The following PDE4D variants were observed in gnomAD, a reference collection of about 807,000 sequenced individuals.
PDE4D encodes 3',5'-cyclic-AMP phosphodiesterase 4D.
A neutral mutation model predicts 87.4 loss-of-function variants in PDE4D; 24 were observed. The ratio of observed to expected loss-of-function variants is 0.27; its 90% CI spans 0.20 to 0.39. The LOEUF is 0.39. Among genes scored for constraint, PDE4D ranks in the 10% least tolerant of loss-of-function variants. The pLI is 1.00. For missense variants in PDE4D, 714 were observed against 1,041.0 expected, an observed-to-expected ratio of 0.69 and a Z score of 4.32; for synonymous variants, 384 against 383.2, an observed-to-expected ratio of 1.00 and a Z score of -0.02.
At chr5:59,176,998 C>T (rs2153476218) in intron 5 of PDE4D, among the ~76,000 whole-genome samples, 1 of 152,312 alleles carries the variant, frequency 6.6e-6, no homozygotes, top group East Asian at 1.9e-4. Context: ...GCTTGCCTTT[C>T]TCTCACTGTT....
At chr5:59,061,161 T>G (rs966576943) in intron 5 of PDE4D, among the ~76,000 whole-genome samples, 4 of 152,148 alleles carry the variant, frequency 2.6e-5, no homozygotes, top group African/African-American at 9.7e-5. Flanking sequence ...GGTCTTTTCA[T>G]AATTATTTCC....
In PDE4D at chr5:59,893,563, G is replaced by A; in HGVS notation, c.60C>T (p.Ser20=). 2 of 1,533,662 alleles carry A rather than the reference G, an allele frequency of 1.3e-6. No homozygotes were observed. The highest frequency in any genetic ancestry group is 5.1e-5 in the East Asian group (2 of 39,246). The change falls in exon 1 of 15, where the codon AGC becomes AGT. Residue 20 remains serine, a synonymous_variant. Coordinates refer to ENST00000340635, the MANE Select transcript of PDE4D (RefSeq NM_001104631.2). The stretch of plus-strand genomic sequence containing the variant: ...GGGCTTTGAGCGTGGCCCCGCCGGC[G>A]CTGTCGCTGCCCTCTCCGCTGCCCG... The part of the protein sequence containing the change: ...ARAGSGEGSD[S]AGGATLKAPK...
At chr5:59,195,698 A>T (rs1185012311) in intron 2 of PDE4D, among the ~76,000 whole-genome samples, 1 of 152,224 alleles carries the variant, frequency 6.6e-6, no homozygotes, top group Non-Finnish European at 1.5e-5. Flanking sequence ...AATGGAGATA[A>T]CAGCACATAC....
chr5:59,717,327 G>C (rs932855799), intron 1 of PDE4D, among the ~76,000 whole-genome samples: 6 of 152,138 alleles, frequency 3.9e-5, no homozygotes, highest in Admixed American at 3.3e-4. Context: ...TATTTCCCTT[G>C]CTGTGGGGAT....
At chr5:59,652,956 T>C (rs1430701947) in intron 1 of PDE4D, among the ~76,000 whole-genome samples, 1 of 152,142 alleles carries the variant, frequency 6.6e-6, no homozygotes, top group Non-Finnish European at 1.5e-5. Context: ...GCACATAAAC[T>C]GAACTTATCC....
At chr5:60,056,588 A>G (rs1416311778) in intron 2 of PDE4D, among the ~76,000 whole-genome samples, 1 of 152,016 alleles carries the variant, frequency 6.6e-6, no homozygotes, top group Non-Finnish European at 1.5e-5. Context: ...CTGTTCTATG[A>G]TTCCGTATAT....
chr5:59,963,826 C>T (rs2152812286), intron 3 of PDE4D, among the ~76,000 whole-genome samples: 1 of 152,198 alleles, frequency 6.6e-6, no homozygotes, highest in African/African-American at 2.4e-5. Context: ...GAGTTTTCAG[C>T]TCAAAAATGC....
intron 1 of PDE4D, among the ~76,000 whole-genome samples, chr5:59,713,020 G>A (rs1407996149): frequency 6.6e-6 from 1 of 152,096 alleles, no homozygotes; most frequent in Non-Finnish European, 1.5e-5. Flanking sequence ...ATCATTCTGA[G>A]GTTAGAACTT....
intron 5 of PDE4D, among the ~76,000 whole-genome samples, chr5:59,068,857 G>C (rs1764320679): frequency 6.6e-6 from 1 of 152,100 alleles, no homozygotes; most frequent in Non-Finnish European, 1.5e-5. Flanking sequence ...TCATCTAATG[G>C]TGTGAGAATT....
chr5:60,021,453 C>T lies in PDE4D; in HGVS notation c.43-32736G>A, dbSNP rs1766058966. 2.0e-5 allele frequency: 3 copies of T among 152,170 alleles called. No individual in the cohort carries two copies. In the South Asian group the frequency reaches 6.2e-4, roughly 32 times the overall value. 9.4% of individuals were successfully genotyped at this position (152,170 alleles called of 1,614,324 possible). On this transcript the variant is annotated intron_variant, in intron 2 of 16. Transcript: ENST00000502484. ...CACCTTGAGACGCAAGCTCAGGGCA[C>T]AAGCAGTGCTATAACGTGGCAAACA...
At chr5:59,652,462 C>T (rs1046524613) in intron 1 of PDE4D, among the ~76,000 whole-genome samples, 7 of 152,134 alleles carry the variant, frequency 4.6e-5, no homozygotes, top group African/African-American at 1.2e-4. Context: ...AATATGTTTG[C>T]GTTGTGTGCT....
At chr5:59,723,852 T>A (rs1442104047) in intron 1 of PDE4D, among the ~76,000 whole-genome samples, 1 of 152,192 alleles carries the variant, frequency 6.6e-6, no homozygotes, top group East Asian at 1.9e-4. Flanking sequence ...ACTTTTCTCC[T>A]TGTAGTTAAT....
intron 1 of PDE4D, among the ~76,000 whole-genome samples, chr5:60,358,476 G>T (rs1759802744): frequency 6.6e-6 from 1 of 152,088 alleles, no homozygotes; most frequent in Non-Finnish European, 1.5e-5. Flanking sequence ...ACATGTTATG[G>T]TATGGTATGT....
intron 1 of PDE4D, among the ~76,000 whole-genome samples, chr5:59,817,061 C>A (rs537201377): frequency 6.6e-6 from 1 of 152,338 alleles, no homozygotes; most frequent in South Asian, 2.1e-4. Flanking sequence ...CTGCTCTCCC[C>A]ACTCTGGGAA....
intron 1 of PDE4D, among the ~76,000 whole-genome samples, chr5:60,467,714 C>T (rs1034496905): frequency 1.3e-5 from 2 of 152,150 alleles, no homozygotes; most frequent in Non-Finnish European, 2.9e-5. Context: ...CTCCCAGCTC[C>T]CCAGGCTTAA....
chr5:59,164,405 C>T (rs1174926835), intron 5 of PDE4D, among the ~76,000 whole-genome samples: 1 of 152,152 alleles, frequency 6.6e-6, no homozygotes, highest in Non-Finnish European at 1.5e-5. Context: ...ACTAGTATTT[C>T]TTTTTTAGTT....
At chr5:59,865,867 CAT>C (rs1746946067) in intron 1 of PDE4D, among the ~76,000 whole-genome samples, 1 of 152,180 alleles carries the variant, frequency 6.6e-6, no homozygotes. Context: ...ACATGAAAGA[CAT>C]GTAACTATAG....
chr5:60,321,203 T>C (rs1756231017), intron 1 of PDE4D, among the ~76,000 whole-genome samples: 1 of 152,116 alleles, frequency 6.6e-6, no homozygotes, highest in Non-Finnish European at 1.5e-5. Context: ...AACAGACATA[T>C]AGACCAATGG....
At chr5:60,302,454 A>C (rs993863056) in intron 1 of PDE4D, among the ~76,000 whole-genome samples, 1 of 152,186 alleles carries the variant, frequency 6.6e-6, no homozygotes, top group Non-Finnish European at 1.5e-5. Context: ...ATATATATAC[A>C]TAGAGGTGTT....
Sources: allele counts gnomAD v4.1 joint callset (sites outside exome capture counted in the v4.1 genomes callset), GRCh38; gene constraint gnomAD v4.1.1; transcripts MANE v1.5; gene names NCBI Gene and HGNC (gene_info 2026-07-23, HGNC 2026-07-21).